The following PTPN13 variants were observed in gnomAD, a reference collection of about 807,000 sequenced individuals.
PTPN13 encodes protein tyrosine phosphatase non-receptor type 13.
Under a neutral mutation model 284.0 loss-of-function variants are expected in PTPN13, and 191 were observed. That is an observed-to-expected ratio of 0.67 (90% CI 0.60 to 0.76). The LOEUF is 0.76. PTPN13 is among the 30% of genes least tolerant of loss of function. PTPN13 has a pLI of 0.00. For synonymous variants in PTPN13, 986 were observed against 1,022.3 expected (o/e 0.96, Z 0.68); for missense variants, 2,797 against 2,939.9 (o/e 0.95, Z 1.12).
At chr4:86,614,378 A>G (rs1026777544) in intron 1 of PTPN13, among the ~76,000 whole-genome samples, 1 of 152,180 alleles carries the variant, frequency 6.6e-6, no homozygotes, top group African/African-American at 2.4e-5. Flanking sequence ...ACACTATTGT[A>G]TGGTTGATTT....
chr4:86,770,267 T>C, intron 30 of PTPN13, 68 bp downstream of exon 30: 1 of 1,376,698 alleles, frequency 7.3e-7, no homozygotes, highest in Non-Finnish European at 1.0e-6. Flanking sequence ...AATTCAGCTG[T>C]GGTGGTTTCA....
intron 45 of PTPN13, among the ~76,000 whole-genome samples, chr4:86,808,456 C>G (rs942816745): frequency 3.3e-5 from 5 of 152,230 alleles, no homozygotes; most frequent in African/African-American, 1.2e-4. Context: ...TGTGTTCTCC[C>G]TCACCTTACT....
In PTPN13 at chr4:86,750,597, A is replaced by G. The variant is rs10516781; in HGVS notation, c.2778A>G (p.Ser926=). 6.7e-3 allele frequency: 10,891 copies of G among 1,613,924 alleles called. 635 individuals carry two copies. In the African/African-American group the frequency reaches 0.13, roughly 19 times the overall value. The change falls in exon 18 of 48, where the codon TCA becomes TCG. Residue 926 remains serine (S), a synonymous_variant. Coordinates refer to ENST00000411767, the MANE Select transcript of PTPN13 (RefSeq NM_080683.3). ...ACAAACTTGCTGTTCGACCTTTATCAGTTCAAGCTGAGATTCTGAAGAGGC... is the reference window on the plus strand; with the variant it reads ...ACAAACTTGCTGTTCGACCTTTATCGGTTCAAGCTGAGATTCTGAAGAGGC... ...TLNKLAVRPL[S]VQAEILKRLS...
chr4:86,740,076 G>A (rs1340376182), intron 15 of PTPN13, among the ~76,000 whole-genome samples: 1 of 152,206 alleles, frequency 6.6e-6, no homozygotes, highest in East Asian at 1.9e-4. Context: ...CTGGTGTTGA[G>A]TATCTGTGGC....
intron 41 of PTPN13, among the ~76,000 whole-genome samples, chr4:86,798,068 T>C (rs1308149915): frequency 6.6e-6 from 1 of 152,182 alleles, no homozygotes; most frequent in Non-Finnish European, 1.5e-5. Context: ...TGCAGTCTTT[T>C]TTACATTAAC....
rs771696871 is a variant in PTPN13 at position 86,758,902 on chromosome 4, A to T, written c.3422-40A>T. ...TATTTCTAAGATTCAGAATAAATGT[A>T]TCTTTGTTGTTGAAAATACTGGATT... On this transcript the variant is annotated intron_variant, in intron 22 of 47. Coordinates refer to ENST00000411767, the MANE Select transcript of PTPN13 (RefSeq NM_080683.3). The T allele has an allele frequency of 2.5e-6, 4 of 1,598,768 alleles. No individual in the cohort carries two copies. In the African/African-American group the frequency reaches 5.4e-5, roughly 22 times the overall value.
At chr4:86,661,637 A>G (rs1565261502) in intron 2 of PTPN13, among the ~76,000 whole-genome samples, 1 of 152,200 alleles carries the variant, frequency 6.6e-6, no homozygotes, top group South Asian at 2.1e-4. Context: ...AATATTTTTC[A>G]TGAGTTCCTA....
intron 1 of PTPN13, among the ~76,000 whole-genome samples, chr4:86,596,403 A>G (rs1288990746): frequency 1.3e-5 from 2 of 152,326 alleles, no homozygotes; most frequent in South Asian, 4.1e-4. Context: ...TGTCACAAGT[A>G]ACATACACGC....
At position 86,594,375 on chromosome 4, in the gene PTPN13, A is replaced by C. The variant is rs1404033099; in HGVS notation, c.-420A>C. On this transcript the variant is annotated 5_prime_UTR_variant, in exon 1 of 48. Coordinates refer to ENST00000411767, the MANE Select transcript of PTPN13 (RefSeq NM_080683.3). ...CACACCATGCTCACGGCCCCTGGAG[A>C]CCGTCGTGCTGGCGAGCCGTGCTCC... The C allele has an allele frequency of 6.6e-6, 1 of 152,158 alleles. No homozygotes were observed. The highest frequency in any genetic ancestry group is 2.4e-5 in the African/African-American group (1 of 41,410). The allele number at this position is 152,158 out of a possible 1,614,324, so 9.4% of individuals were successfully genotyped here.
chr4:86,672,838 T>A (rs1009455172), intron 3 of PTPN13, among the ~76,000 whole-genome samples: 1 of 152,226 alleles, frequency 6.6e-6, no homozygotes, highest in Non-Finnish European at 1.5e-5. Flanking sequence ...AACTGGAAAG[T>A]TGACCCTGAT....
intron 3 of PTPN13, among the ~76,000 whole-genome samples, chr4:86,682,608 C>T (rs1729018252): frequency 6.6e-6 from 1 of 152,050 alleles, no homozygotes; most frequent in East Asian, 1.9e-4. Flanking sequence ...CTGTGCGTGA[C>T]CTTCCTCCTT....
rs1745470645 is a variant in PTPN13, at chr4:86,813,607, A to G, written c.7363-849A>G. 3.3e-5 allele frequency among the ~76,000 whole-genome samples: 5 copies of G among 151,970 alleles called. No individual in the cohort carries two copies. In the South Asian group the frequency reaches 8.3e-4, roughly 25 times the overall value. On this transcript the variant is annotated intron_variant, in intron 47 of 47. Transcript: ENST00000411767. ...TTACAGGTGCCTGCCACCTCACTTT[A>G]GTAGAGATGGGATTTCACCATGTTG... is the stretch of plus-strand genomic sequence containing the variant.
At chr4:86,783,222 G>A (rs1229224711) in intron 37 of PTPN13, among the ~76,000 whole-genome samples, 2 of 152,080 alleles carry the variant, frequency 1.3e-5, no homozygotes, top group East Asian at 1.9e-4. Flanking sequence ...AATTACAGCA[G>A]AACATTTTAA....
intron 9 of PTPN13, among the ~76,000 whole-genome samples, chr4:86,718,455 C>CTT (rs796389778): frequency 7.1e-6 from 1 of 140,140 alleles, no homozygotes; most frequent in Non-Finnish European, 1.6e-5. Context: ...TAATGGTCCA[C>CTT]TTTTTTTTTT....
At chr4:86,694,359 T>C (rs1730362022) in intron 6 of PTPN13, among the ~76,000 whole-genome samples, 1 of 151,684 alleles carries the variant, frequency 6.6e-6, no homozygotes, top group Admixed American at 6.6e-5. Flanking sequence ...GGTGGGCGGA[T>C]CACCTGAGGT....
intron 7 of PTPN13, among the ~76,000 whole-genome samples, chr4:86,702,374 A>G (rs542976336): frequency 6.6e-6 from 1 of 152,198 alleles, no homozygotes; most frequent in African/African-American, 2.4e-5. Flanking sequence ...TTTTAGGTTT[A>G]CAGAGTCAGC....
intron 35 of PTPN13, among the ~76,000 whole-genome samples, chr4:86,777,248 C>T (rs912717340): frequency 2.0e-5 from 3 of 152,156 alleles, no homozygotes; most frequent in Non-Finnish European, 4.4e-5. Context: ...GGGCTGCATT[C>T]CTTCTGTAGG....
chr4:86,704,589 T>C (rs552493634), intron 7 of PTPN13, among the ~76,000 whole-genome samples: 12 of 152,356 alleles, frequency 7.9e-5, no homozygotes, highest in African/African-American at 2.9e-4. Flanking sequence ...AGAGCCTTAT[T>C]TGTTCAAAAG....
intron 3 of PTPN13, among the ~76,000 whole-genome samples, chr4:86,677,964 G>T (rs531570031): frequency 6.6e-6 from 1 of 152,180 alleles, no homozygotes; most frequent in African/African-American, 2.4e-5. Context: ...CAGATCCCTG[G>T]GGCCATTTGC....
Sources: gnomAD v4.1 joint callset for allele counts (sites outside exome capture counted in the v4.1 genomes callset) on GRCh38, gnomAD v4.1.1 for gene constraint, MANE v1.5 for transcripts, NCBI Gene and HGNC (gene_info 2026-07-23, HGNC 2026-07-21) for gene names.